DIAPH1: variants seen among roughly 807,000 people sequenced by gnomAD.
The protein encoded by DIAPH1 is diaphanous related formin 1.
DIAPH1 carries 46 observed loss-of-function variants against 140.7 expected under a neutral mutation model. The observed-to-expected ratio is 0.33, with a 90% CI of 0.26 to 0.42. The LOEUF (loss-of-function observed/expected upper bound fraction) is 0.42. Ranked by LOEUF, DIAPH1 falls within the 10% of genes least tolerant of loss-of-function variation. DIAPH1 has a pLI of 1.00. For missense variants in DIAPH1, 1,310 were observed against 1,558.7 expected (o/e 0.84, Z 2.69); for synonymous variants, 565 against 551.6 (o/e 1.02, Z -0.34).
chr5:141,562,613 A>AC (rs1257517326), intron 18 of DIAPH1, among the ~76,000 whole-genome samples: 2 of 123,960 alleles, frequency 1.6e-5, no homozygotes, highest in African/African-American at 5.4e-5. Context: ...ATGCAAAAAA[A>AC]AAAAAACAAA....
At chr5:141,580,975 C>T (rs992991281) in intron 7 of DIAPH1, 92 bp from the exon 8 acceptor site, 1 of 1,516,794 alleles carries the variant, frequency 6.6e-7, no homozygotes, top group Admixed American at 1.8e-5. Flanking sequence ...TGAATGGTGT[C>T]CTCTTAAATT....
Position 141,583,732 on chromosome 5 carries a change from G to A in DIAPH1, c.403-117C>T, listed in dbSNP as rs947085551. 2.8e-6 allele frequency: 4 copies of A among 1,418,092 alleles called. No individual in the cohort carries two copies. The African/African-American group carries it at 5.7e-5, about 20-fold the overall frequency. 87.8% of individuals were successfully genotyped at this position (1,418,092 alleles called of 1,614,324 possible). A position where few individuals can be genotyped will look rare whatever the true frequency, so the allele number is the denominator to read the frequency against. On this transcript the variant is annotated intron_variant, in intron 4 of 27. Coordinates refer to ENST00000389054, the MANE Select transcript of DIAPH1 (RefSeq NM_005219.5). ...TATTTTTTATTTTTAGCAGAGACAA[G>A]GTCTTACTACGTTGCCCAGGCTGAT...
At chr5:141,532,182 T>G (rs1457799607) in intron 19 of DIAPH1, among the ~76,000 whole-genome samples, 1 of 152,128 alleles carries the variant, frequency 6.6e-6, no homozygotes, top group East Asian at 1.9e-4. Context: ...TTTTTTGGTT[T>G]TTTTTTTTGA....
At chr5:141,596,332 C>CAA (rs912789961) in intron 1 of DIAPH1, among the ~76,000 whole-genome samples, 3 of 140,832 alleles carry the variant, frequency 2.1e-5, no homozygotes, top group Non-Finnish European at 4.7e-5. Context: ...GACTCTGTCT[C>CAA]AAAAAAAAAA....
chr5:141,595,634 G>A (rs2099899197), intron 1 of DIAPH1, among the ~76,000 whole-genome samples: 1 of 152,172 alleles, frequency 6.6e-6, no homozygotes, highest in African/African-American at 2.4e-5. Context: ...AGAAGGCAAA[G>A]CAGAAGGTGC....
chr5:141,571,527 G>A (rs2099895185), intron 17 of DIAPH1, 91 bp from the exon 18 acceptor site: 2 of 1,144,328 alleles, frequency 1.7e-6, no homozygotes, highest in East Asian at 2.4e-5. Context: ...TCTTGTTACT[G>A]TAGACAGTCA....
intron 18 of DIAPH1, among the ~76,000 whole-genome samples, chr5:141,556,729 T>C (rs1376223941): frequency 1.3e-5 from 2 of 152,210 alleles, no homozygotes; most frequent in Non-Finnish European, 2.9e-5. Context: ...TCTCACTCTG[T>C]CACCCAGGCT....
rs571390079 is a variant in DIAPH1 at position 141,577,610 on chromosome 5, C to T, written c.1164-19G>A. ...AAAGTCAGTGGAAAAGGGAAATAGG[C>T]TAAGGAAAGCAAATATGCAGAAATT... On this transcript the variant is annotated intron_variant, in intron 11 of 27. Coordinates refer to ENST00000389054, the MANE Select transcript of DIAPH1 (RefSeq NM_005219.5). The T allele has an allele frequency of 6.7e-7, 1 of 1,488,586 alleles. No homozygotes were observed. Among genetic ancestry groups the T allele is most frequent in the South Asian group, 1.1e-5 (1 of 88,212 alleles). The allele number at this position is 1,488,586 out of a possible 1,614,324, so 92.2% of individuals were successfully genotyped here.
chr5:141,570,142 A>G (rs1245283093), intron 18 of DIAPH1, among the ~76,000 whole-genome samples: 1 of 151,922 alleles, frequency 6.6e-6, no homozygotes, highest in East Asian at 1.9e-4. Context: ...CACCAAATAA[A>G]AAGATGGGGA....
intron 1 of DIAPH1, among the ~76,000 whole-genome samples, chr5:141,595,757 A>T (rs574566925): frequency 8.9e-4 from 136 of 152,274 alleles, no homozygotes; most frequent in Non-Finnish European, 1.6e-3. Flanking sequence ...AGTCTCAGGT[A>T]TTTCTTCATA....
rs369658442 is a variant in DIAPH1 at position 141,561,039 on chromosome 5, C to A, written c.2482+10389G>T. On this transcript the variant is annotated intron_variant, in intron 18 of 27. Transcript: ENST00000389054. ...AGTCTCTGACCTCACAATCTGGAAC[C>A]TGAGCCAAAATAGCTCAACTGCGCG... 602 of 421,642 alleles carry A rather than the reference C, an allele frequency of 1.4e-3. 10 individuals carry two copies. Among genetic ancestry groups the A allele is most frequent in the South Asian group, 9.6e-3 (583 of 60,800 alleles). 26.1% of individuals were successfully genotyped at this position (421,642 alleles called of 1,614,324 possible). A position where few individuals can be genotyped will look rare whatever the true frequency, so the allele number is the denominator to read the frequency against.
At chr5:141,542,125 A>T (rs1264246218) in intron 18 of DIAPH1, among the ~76,000 whole-genome samples, 1 of 152,224 alleles carries the variant, frequency 6.6e-6, no homozygotes, top group Admixed American at 6.5e-5. Context: ...TTCAAAATAG[A>T]CAAAACGTAG....
In DIAPH1 at chr5:141,571,705, C is replaced by A. The variant is rs547420569; in HGVS notation, c.2473+221G>T. The A allele has an allele frequency of 1.2e-5, 8 of 679,604 alleles. No individual in the cohort carries two copies. In the East Asian group the frequency reaches 2.2e-4, roughly 18 times the overall value. The allele number at this position is 679,604 out of a possible 1,614,324, so 42.1% of individuals were successfully genotyped here. On this transcript the variant is annotated intron_variant, in intron 17 of 27. Coordinates refer to ENST00000389054, the MANE Select transcript of DIAPH1 (RefSeq NM_005219.5). Reference sequence around the variant, plus strand: ...ATATCCCTAACAAGTTATACTGATACAAAATACCTACATACAACAGTTCTC... The same window carrying A: ...ATATCCCTAACAAGTTATACTGATAAAAAATACCTACATACAACAGTTCTC...
intron 18 of DIAPH1, among the ~76,000 whole-genome samples, chr5:141,537,276 G>A (rs970951174): frequency 1.3e-5 from 2 of 151,918 alleles, no homozygotes; most frequent in Non-Finnish European, 2.9e-5. Context: ...CTGAAGTCGG[G>A]AGTTCGAGAC....
At chr5:141,611,168 C>G (rs372379400) in intron 1 of DIAPH1, among the ~76,000 whole-genome samples, 15 of 152,126 alleles carry the variant, frequency 9.9e-5, no homozygotes, top group African/African-American at 3.6e-4. Context: ...GAGGCTGAGC[C>G]CAGGAGTTTC....
chr5:141,611,805 G>A (rs1411449160), intron 1 of DIAPH1, among the ~76,000 whole-genome samples: 4 of 152,190 alleles, frequency 2.6e-5, no homozygotes, highest in African/African-American at 7.2e-5. Context: ...AGTGGCTCAC[G>A]CCTGTAATCC....
chr5:141,571,512 A>G (rs2099895182), intron 17 of DIAPH1, 76 bp from the exon 18 acceptor site: 1 of 1,318,506 alleles, frequency 7.6e-7, no homozygotes, highest in Non-Finnish European at 1.1e-6. Flanking sequence ...GGAATCACAT[A>G]TGGTTCTTGT....
chr5:141,526,450 C>A lies in DIAPH1; in HGVS notation c.3285G>T (p.Lys1095Asn). 6.2e-7 allele frequency: 1 copy of A among 1,614,112 alleles called. No homozygotes were observed. The highest frequency in any genetic ancestry group is 8.5e-7 in the Non-Finnish European group (1 of 1,180,024). Residue 1095 changes from lysine (K) to asparagine (N), a missense_variant, in exon 25 of 28, where the codon AAG becomes AAT. Coordinates refer to ENST00000389054, the MANE Select transcript of DIAPH1 (RefSeq NM_005219.5). ...GCTTGTTATACTGTTCCTGTGCATCCTTCACAAAGCTGTGCAGCCAAGGAG... is the reference window on the plus strand; with the variant it reads ...GCTTGTTATACTGTTCCTGTGCATCATTCACAAAGCTGTGCAGCCAAGGAG... ...KFVEKMTSFV[K>N]DAQEQYNKLR...
rs573118981 is a variant in DIAPH1 at position 141,618,617 on chromosome 5, G to C, written c.117+181C>G. On this transcript the variant is annotated intron_variant, in intron 1 of 27. Transcript: ENST00000389054. ...CGGGGCAAGAGCCGGGTGGGATTCC[G>C]GGGCTTCCCGAGGTCCCGAAGGGAG... 1,460 of 495,096 alleles carry C rather than the reference G, an allele frequency of 2.9e-3. 24 individuals carry two copies. Among genetic ancestry groups the C allele is most frequent in the African/African-American group, 0.028 (1,329 of 48,314 alleles). The allele number at this position is 495,096 out of a possible 1,614,324, so 30.7% of individuals were successfully genotyped here. A position where few individuals can be genotyped will look rare whatever the true frequency, so the allele number is the denominator to read the frequency against.
Sources: allele counts gnomAD v4.1 joint callset (sites outside exome capture counted in the v4.1 genomes callset), GRCh38; gene constraint gnomAD v4.1.1; transcripts MANE v1.5; gene names NCBI Gene and HGNC (gene_info 2026-07-23, HGNC 2026-07-21).